PIGK: variants seen among roughly 807,000 people sequenced by gnomAD.
The protein encoded by PIGK is phosphatidylinositol glycan anchor biosynthesis class K.
In PIGK, 42 loss-of-function variants were observed where a neutral mutation model predicts 50.6. The ratio of observed to expected loss-of-function variants is 0.83; its 90% CI spans 0.65 to 1.07. The LOEUF is 1.07. PIGK is among the 50% of genes least tolerant of loss of function. PIGK has a pLI of 0.00. For synonymous variants in PIGK, 151 were observed against 156.0 expected (o/e 0.97, Z 0.24); for missense variants, 448 against 488.7 (o/e 0.92, Z 0.78).
At chr1:77,129,081 C>G (rs191921954) in intron 9 of PIGK, 260 of 844,844 alleles carry the variant, frequency 3.1e-4, no homozygotes, top group Middle Eastern at 3.4e-4. Context: ...CTATCTAGCT[C>G]TTTCCCTAAG....
At chr1:77,158,150 G>A (rs1655053416) in intron 8 of PIGK, among the ~76,000 whole-genome samples, 1 of 152,096 alleles carries the variant, frequency 6.6e-6, no homozygotes, top group Non-Finnish European at 1.5e-5. Context: ...CCGAGTAGCT[G>A]GGATTACAGG....
intron 3 of PIGK, among the ~76,000 whole-genome samples, chr1:77,172,765 T>A (rs1655395945): frequency 6.6e-6 from 1 of 151,538 alleles, no homozygotes; most frequent in South Asian, 2.1e-4. Context: ...CTACAAAAAA[T>A]ACAAAAAAAT....
At chr1:77,107,544 G>A (rs1416796828) in intron 10 of PIGK, among the ~76,000 whole-genome samples, 1 of 152,186 alleles carries the variant, frequency 6.6e-6, no homozygotes, top group Non-Finnish European at 1.5e-5. Context: ...GCGATGTGGT[G>A]CTGAGAAGAA....
At chr1:77,162,312 A>C (rs1053334566) in intron 6 of PIGK, among the ~76,000 whole-genome samples, 2 of 152,214 alleles carry the variant, frequency 1.3e-5, no homozygotes, top group African/African-American at 4.8e-5. Flanking sequence ...GTGATGCCCA[A>C]TACGGACAAT....
intron 3 of PIGK, among the ~76,000 whole-genome samples, chr1:77,171,412 G>A (rs1472449229): frequency 1.0e-5 from 1 of 97,130 alleles, no homozygotes; most frequent in Non-Finnish European, 2.1e-5. Flanking sequence ...ACTCCAGCCT[G>A]GGCAACAGAG....
intron 3 of PIGK, among the ~76,000 whole-genome samples, chr1:77,191,639 G>T (rs1402958526): frequency 6.6e-6 from 1 of 152,212 alleles, no homozygotes; most frequent in Non-Finnish European, 1.5e-5. Context: ...TTTTCTCCAG[G>T]CGGAAAGCAA....
At chr1:77,182,782 A>G (rs1779191) in intron 3 of PIGK, among the ~76,000 whole-genome samples, 150,616 of 152,272 alleles carry the variant, frequency 0.99, 74,505 homozygotes, top group Middle Eastern at 1. Context: ...GATAGTCCTT[A>G]GCATAAACTA....
chr1:77,096,881 C>CTTT (rs141858558), intron 10 of PIGK, among the ~76,000 whole-genome samples: 2,141 of 124,180 alleles, frequency 0.017, 58 homozygotes, highest in African/African-American at 0.051. Context: ...TCGGGTTTTT[C>CTTT]TTTTTTTTTT....
At chr1:77,216,980 C>T (rs184533768) in intron 1 of PIGK, among the ~76,000 whole-genome samples, 1 of 152,090 alleles carries the variant, frequency 6.6e-6, no homozygotes, top group Non-Finnish European at 1.5e-5. Context: ...CTATTATGTG[C>T]CAGATACCAT....
intron 3 of PIGK, among the ~76,000 whole-genome samples, chr1:77,205,444 G>A (rs1197555718): frequency 6.6e-6 from 1 of 151,382 alleles, no homozygotes; most frequent in Non-Finnish European, 1.5e-5. Flanking sequence ...TACTCAGACT[G>A]AAATGATCTA....
intron 6 of PIGK, 70 bp from the exon 7 acceptor site, chr1:77,161,781 C>A: frequency 1.3e-6 from 1 of 742,416 alleles, no homozygotes; most frequent in Non-Finnish European, 2.5e-6. Context: ...TTCTACAATA[C>A]TTTTGTAAGA....
intron 3 of PIGK, among the ~76,000 whole-genome samples, chr1:77,183,083 C>T (rs1037896218): frequency 6.6e-6 from 1 of 152,158 alleles, no homozygotes; most frequent in Non-Finnish European, 1.5e-5. Flanking sequence ...GAAAAACAGA[C>T]ACAAGTTCTT....
At chr1:77,190,278 G>T (rs576790842) in intron 3 of PIGK, among the ~76,000 whole-genome samples, 2 of 152,146 alleles carry the variant, frequency 1.3e-5, no homozygotes, top group East Asian at 3.9e-4. Context: ...TCGCATGGCT[G>T]TAGTCCTAGC....
chr1:77,209,409 G>A (rs146673070), intron 2 of PIGK, among the ~76,000 whole-genome samples: 1 of 152,062 alleles, frequency 6.6e-6, no homozygotes, highest in African/African-American at 2.4e-5. Flanking sequence ...GGGCCAATAA[G>A]CAGGCCTTAC....
chr1:77,156,193 A>C (rs1363754628), intron 8 of PIGK, among the ~76,000 whole-genome samples: 1 of 152,196 alleles, frequency 6.6e-6, no homozygotes, highest in African/African-American at 2.4e-5. Context: ...AGAATACTGA[A>C]GATCTCTTGG....
intron 3 of PIGK, among the ~76,000 whole-genome samples, chr1:77,174,715 G>A (rs976727882): frequency 6.6e-6 from 1 of 151,960 alleles, no homozygotes; most frequent in Non-Finnish European, 1.5e-5. Context: ...CCCCTTTATG[G>A]GATCCAGGAT....
chr1:77,189,734 TATATATATATATATAC>T (rs1448124815), intron 3 of PIGK, among the ~76,000 whole-genome samples: 505 of 31,904 alleles, frequency 0.016, 1 homozygote, highest in Non-Finnish European at 0.018. Flanking sequence ...TATATATATA[TATATATATATATATAC>T]ACACACACAC....
intron 9 of PIGK, among the ~76,000 whole-genome samples, chr1:77,142,496 T>C (rs1185851465): frequency 6.6e-6 from 1 of 152,178 alleles, no homozygotes; most frequent in Non-Finnish European, 1.5e-5. Flanking sequence ...AATAAGGTAC[T>C]GTATTAGTCC....
chr1:77,160,521 A>G (rs1303374327), intron 8 of PIGK, among the ~76,000 whole-genome samples: 1 of 152,244 alleles, frequency 6.6e-6, no homozygotes, highest in Non-Finnish European at 1.5e-5. Context: ...CAGGAACGGC[A>G]TCTGCCTCTT....
Sources: allele counts gnomAD v4.1 joint callset (sites outside exome capture counted in the v4.1 genomes callset), GRCh38; gene constraint gnomAD v4.1.1; transcripts MANE v1.5; gene names NCBI Gene and HGNC (gene_info 2026-07-23, HGNC 2026-07-21).